Variants in SUCLG2 observed in about 807,000 individuals in gnomAD.
SUCLG2 encodes succinate--CoA ligase [GDP-forming] subunit beta, mitochondrial.
A neutral mutation model predicts 47.9 loss-of-function variants in SUCLG2; 42 were observed. That is an observed-to-expected ratio of 0.88 (90% CI 0.69 to 1.14). SUCLG2 has a LOEUF of 1.14. Ranked by LOEUF, SUCLG2 falls within the 50% of genes most tolerant of loss-of-function variation. The probability of loss-of-function intolerance (pLI) is 0.00; values close to 1 mark genes in which losing one functional copy is unlikely to be tolerated. For synonymous variants in SUCLG2, 195 were observed against 197.3 expected (o/e 0.99, Z 0.10); for missense variants, 571 against 525.9 (o/e 1.09, Z -0.84).
At chr3:67,390,947 A>C (rs1702366283) in intron 10 of SUCLG2, among the ~76,000 whole-genome samples, 1 of 152,174 alleles carries the variant, frequency 6.6e-6, no homozygotes, top group Non-Finnish European at 1.5e-5. Context: ...GAAGAGGAAT[A>C]TGCTTGTTTC....
At chr3:67,560,191 T>C (rs1190344369) in intron 2 of SUCLG2, among the ~76,000 whole-genome samples, 1 of 152,172 alleles carries the variant, frequency 6.6e-6, no homozygotes, top group Non-Finnish European at 1.5e-5. Context: ...TATTTGGAGA[T>C]TGAGTTGTTG....
intron 2 of SUCLG2, among the ~76,000 whole-genome samples, chr3:67,544,322 A>C (rs1246986406): frequency 5.9e-5 from 9 of 152,118 alleles, no homozygotes; most frequent in Non-Finnish European, 1.2e-4. Context: ...CCTGTTGTGA[A>C]GGGAGGGACC....
At chr3:67,380,713 G>GAC (rs1395878043) in intron 10 of SUCLG2, among the ~76,000 whole-genome samples, 1 of 151,232 alleles carries the variant, frequency 6.6e-6, no homozygotes, top group African/African-American at 2.4e-5. Context: ...GAGATAGAGA[G>GAC]AGAGACAAAT....
At chr3:67,374,651 A>G, downstream of SUCLG2, 1 of 560,722 alleles carries the variant, frequency 1.8e-6, no homozygotes, top group Non-Finnish European at 2.3e-6. Flanking sequence ...CACTAAGACT[A>G]GTGTCTTTGT....
intron 9 of SUCLG2, among the ~76,000 whole-genome samples, chr3:67,444,018 T>TCAGCCCCCCGCCTGGC (rs1703850505): frequency 1.9e-5 from 2 of 105,182 alleles, no homozygotes; most frequent in Admixed American, 1.0e-4. Context: ...GGTGGGGGGG[T>TCAGCCCCCCGCCTGGC]CAGCCCCCCG....
intron 4 of SUCLG2, among the ~76,000 whole-genome samples, chr3:67,524,095 A>G (rs1196978779): frequency 6.6e-6 from 1 of 152,214 alleles, no homozygotes; most frequent in Admixed American, 6.5e-5. Flanking sequence ...CAGTTTGTTG[A>G]CATCGTCATG....
intron 2 of SUCLG2, among the ~76,000 whole-genome samples, chr3:67,566,115 T>C (rs1237196799): frequency 6.6e-6 from 1 of 152,230 alleles, no homozygotes; most frequent in African/African-American, 2.4e-5. Context: ...CGACAAGCAC[T>C]TGAGTGAGCT....
chr3:67,393,172 G>A (rs892416541), intron 10 of SUCLG2, among the ~76,000 whole-genome samples: 23 of 152,230 alleles, frequency 1.5e-4, no homozygotes, highest in African/African-American at 5.3e-4. Context: ...AGTGGGCGCA[G>A]GACAGTGCGT....
chr3:67,631,034 T>C (rs1232858490), intron 1 of SUCLG2, among the ~76,000 whole-genome samples: 2 of 152,224 alleles, frequency 1.3e-5, no homozygotes, highest in African/African-American at 2.4e-5. Flanking sequence ...TATAAGAAGA[T>C]GCAGATAAAC....
chr3:67,403,097 G>A (rs771610518), intron 9 of SUCLG2, among the ~76,000 whole-genome samples: 131 of 152,164 alleles, frequency 8.6e-4, no homozygotes, highest in Non-Finnish European at 1.5e-3. Flanking sequence ...ATTAGAGTCC[G>A]ATGTTAAAAA....
intron 10 of SUCLG2, among the ~76,000 whole-genome samples, chr3:67,398,407 G>C (rs1489775974): frequency 6.6e-6 from 1 of 151,384 alleles, no homozygotes; most frequent in Non-Finnish European, 1.5e-5. Flanking sequence ...GAAGCCAAAA[G>C]ACACATGAAA....
chr3:67,452,473 T>C (rs965172319), intron 9 of SUCLG2, among the ~76,000 whole-genome samples: 1 of 152,208 alleles, frequency 6.6e-6, no homozygotes, highest in African/African-American at 2.4e-5. Context: ...GAGCCAGTAA[T>C]GATTAATACT....
chr3:67,380,707 T>TAGAG (rs78636556), intron 10 of SUCLG2, among the ~76,000 whole-genome samples: 2 of 150,342 alleles, frequency 1.3e-5, no homozygotes, highest in African/African-American at 2.5e-5. Flanking sequence ...GAGAGGGAGA[T>TAGAG]AGAGAGAGAG....
chr3:67,556,893 T>C (rs1707177261), intron 2 of SUCLG2, among the ~76,000 whole-genome samples: 1 of 152,102 alleles, frequency 6.6e-6, no homozygotes, highest in African/African-American at 2.4e-5. Context: ...AATAGAAGAA[T>C]GGAAATAACA....
At chr3:67,598,805 C>T (rs987913726) in intron 2 of SUCLG2, among the ~76,000 whole-genome samples, 1 of 152,176 alleles carries the variant, frequency 6.6e-6, no homozygotes, top group African/African-American at 2.4e-5. Flanking sequence ...TCCCACCAAA[C>T]CCATGAGTAG....
intron 9 of SUCLG2, among the ~76,000 whole-genome samples, chr3:67,487,648 A>T (rs556473694): frequency 1.2e-4 from 19 of 152,276 alleles, no homozygotes; most frequent in Non-Finnish European, 2.4e-4. Flanking sequence ...AAAAGAATTT[A>T]AAAATGCTAC....
chr3:67,486,018 A>G (rs1476545998), intron 9 of SUCLG2, among the ~76,000 whole-genome samples: 3 of 152,256 alleles, frequency 2.0e-5, no homozygotes, highest in Non-Finnish European at 4.4e-5. Flanking sequence ...CATGTCTGTA[A>G]TCCCAGCACT....
chr3:67,380,471 T>G (rs62256368), intron 10 of SUCLG2, among the ~76,000 whole-genome samples: 49,717 of 152,028 alleles, frequency 0.33, 9,060 homozygotes, highest in East Asian at 0.53. Flanking sequence ...AATTGCTTCA[T>G]AATTCTAGGA....
At chr3:67,360,536 T>C in exon 11 of SUCLG2, 1 of 1,303,028 alleles carries the variant, frequency 7.7e-7, no homozygotes, top group East Asian at 2.5e-5. Flanking sequence ...TCCATTAGCA[T>C]GCAGCTGAAC....
Sources: gnomAD v4.1 joint callset for allele counts (sites outside exome capture counted in the v4.1 genomes callset) on GRCh38, gnomAD v4.1.1 for gene constraint, MANE v1.5 for transcripts, NCBI Gene and HGNC (gene_info 2026-07-23, HGNC 2026-07-21) for gene names.